Variants in CNTN6 observed in about 807,000 individuals in gnomAD.
CNTN6 encodes contactin-6.
A neutral mutation model predicts 122.8 loss-of-function variants in CNTN6; 137 were observed. The observed-to-expected ratio is 1.12, with a 90% CI of 0.97 to 1.29. The LOEUF is 1.29. Among genes scored for constraint, CNTN6 ranks in the 50% most tolerant of loss-of-function variants. The pLI is 0.00. For missense variants in CNTN6, 1,634 were observed against 1,223.4 expected, an observed-to-expected ratio of 1.34 and a Z score of -5.01; for synonymous variants, 570 against 426.0, an observed-to-expected ratio of 1.34 and a Z score of -4.16.
At chr3:1,253,492 A>G (rs2094703683) in intron 4 of CNTN6, among the ~76,000 whole-genome samples, 1 of 152,194 alleles carries the variant, frequency 6.6e-6, no homozygotes, top group Non-Finnish European at 1.5e-5. Context: ...TGCTAATTAC[A>G]TATAAATTGG....
At chr3:1,376,245 G>A (rs78173145) in intron 16 of CNTN6, among the ~76,000 whole-genome samples, 2 of 152,190 alleles carry the variant, frequency 1.3e-5, no homozygotes, top group South Asian at 4.2e-4. Context: ...TACACACTCA[G>A]CATTTCCTCA....
intron 11 of CNTN6, among the ~76,000 whole-genome samples, chr3:1,338,148 C>T (rs1703345916): frequency 6.6e-6 from 1 of 152,122 alleles, no homozygotes; most frequent in African/African-American, 2.4e-5. Flanking sequence ...TGGTGGCTTT[C>T]AACCAAGGGT....
At chr3:1,258,449 A>G (rs893478305) in intron 4 of CNTN6, among the ~76,000 whole-genome samples, 2 of 152,074 alleles carry the variant, frequency 1.3e-5, no homozygotes, top group Non-Finnish European at 2.9e-5. Flanking sequence ...CACTCAATTT[A>G]TTTCCCTTTC....
intron 4 of CNTN6, among the ~76,000 whole-genome samples, chr3:1,262,592 A>G (rs1400596875): frequency 6.6e-6 from 1 of 152,072 alleles, no homozygotes; most frequent in Non-Finnish European, 1.5e-5. Context: ...CAAACAATGA[A>G]CACACAATAA....
At chr3:1,254,128 T>C (rs897558006) in intron 4 of CNTN6, among the ~76,000 whole-genome samples, 7 of 152,170 alleles carry the variant, frequency 4.6e-5, no homozygotes, top group African/African-American at 1.7e-4. Context: ...TTTGCATTTT[T>C]GCTTCAGATC....
intron 4 of CNTN6, 112 bp from the exon 5 acceptor site, chr3:1,278,301 C>A (rs1044975074): frequency 1.4e-5 from 10 of 692,554 alleles, no homozygotes; most frequent in Non-Finnish European, 2.3e-5. Context: ...TTCTGGTCAG[C>A]AAAGTATGAG....
At chr3:1,371,304 C>T (rs946447009) in intron 12 of CNTN6, among the ~76,000 whole-genome samples, 2 of 151,864 alleles carry the variant, frequency 1.3e-5, no homozygotes, top group African/African-American at 4.8e-5. Context: ...AATAGATTCT[C>T]CATGGGTCAT....
chr3:1,188,763 C>T (rs3772357), intron 2 of CNTN6, among the ~76,000 whole-genome samples: 25,471 of 152,178 alleles, frequency 0.17, 2,526 homozygotes, highest in African/African-American at 0.26. Flanking sequence ...TAGAGAACAG[C>T]AGGTTTCCTC....
chr3:1,216,150 CT>C (rs550009055), intron 2 of CNTN6, among the ~76,000 whole-genome samples: 15,584 of 146,268 alleles, frequency 0.11, 2,386 homozygotes, highest in African/African-American at 0.34. Context: ...CCCCACTTTA[CT>C]TTTTTTTTTT....
At chr3:1,117,253 A>C (rs2091760759) in intron 1 of CNTN6, among the ~76,000 whole-genome samples, 1 of 152,198 alleles carries the variant, frequency 6.6e-6, no homozygotes, top group Non-Finnish European at 1.5e-5. Context: ...TCTCTGACAA[A>C]GATTTGGAGT....
At chr3:1,120,096 A>T (rs1300343290) in intron 1 of CNTN6, among the ~76,000 whole-genome samples, 1 of 151,672 alleles carries the variant, frequency 6.6e-6, no homozygotes, top group Non-Finnish European at 1.5e-5. Context: ...TCCATATGCC[A>T]CAATTTGTTT....
intron 5 of CNTN6, among the ~76,000 whole-genome samples, chr3:1,293,622 C>T (rs1309442588): frequency 6.6e-6 from 1 of 152,150 alleles, no homozygotes; most frequent in Non-Finnish European, 1.5e-5. Flanking sequence ...ACTCAGCTCT[C>T]TGTTTGGACA....
chr3:1,212,252 G>GTTTTTGTT, intron 2 of CNTN6, among the ~76,000 whole-genome samples: 1 of 118,382 alleles, frequency 8.4e-6, no homozygotes, highest in East Asian at 2.5e-4. Flanking sequence ...AATAAAACTT[G>GTTTTTGTT]TTTTTTTTTT....
intron 4 of CNTN6, among the ~76,000 whole-genome samples, chr3:1,246,242 C>A (rs1343416164): frequency 6.6e-6 from 1 of 152,008 alleles, no homozygotes; most frequent in Non-Finnish European, 1.5e-5. Flanking sequence ...CATATCTTGA[C>A]TTGTGAATTT....
Position 1,245,669 on chromosome 3 carries a change from C to T in CNTN6, c.358+17676C>T, listed in dbSNP as rs535234795. On this transcript the variant is annotated intron_variant, in intron 4 of 22. Coordinates refer to ENST00000446702, the MANE Select transcript of CNTN6 (RefSeq NM_001289080.2). ...CATGTAACCAAACACCACCTGTTTC[C>T]CAAAAACCTATTGAAATAAAAAAAG... is the stretch of plus-strand genomic sequence containing the variant. Among the ~76,000 whole-genome samples, 151 of 150,464 alleles carry T rather than the reference C, an allele frequency of 1.0e-3. 2 individuals carry two copies. Among genetic ancestry groups the T allele is most frequent in the African/African-American group, 3.5e-3 (143 of 40,924 alleles).
Position 1,298,009 on chromosome 3 carries a change from GTTT to G in CNTN6, c.761+21_761+23del. ...CTTGGAAAGTAAGGTTTTTGTTTTT[GTTT>G]TTGTTTTCCTGGTTGCATTAATTTT... On this transcript the variant is annotated intron_variant, in intron 7 of 22. Coordinates refer to ENST00000446702, the MANE Select transcript of CNTN6 (RefSeq NM_001289080.2). The G allele has an allele frequency of 6.4e-7, 1 of 1,556,302 alleles. No homozygotes were observed. Among genetic ancestry groups the G allele is most frequent in the African/African-American group, 1.4e-5 (1 of 71,964 alleles).
At chr3:1,240,536 T>C (rs538671146) in intron 4 of CNTN6, among the ~76,000 whole-genome samples, 1 of 152,020 alleles carries the variant, frequency 6.6e-6, no homozygotes, top group East Asian at 1.9e-4. Flanking sequence ...GACATTGGCA[T>C]GGATGTGGTG....
Position 1,373,620 on chromosome 3 carries a change from T to A in CNTN6, c.1803T>A (p.Pro601=), listed in dbSNP as rs1247721926. ...TTTTTCAAGGTCCACCAGGTCCTCC[T>A]GAGGATGTGCAAGTGGAAGACATTT... ...DIIVRGPPGP[P]EDVQVEDISS... Residue 601 remains proline, a synonymous_variant, in exon 15 of 23, where the codon CCT becomes CCA. Transcript: ENST00000446702. The A allele has an allele frequency of 6.2e-7, 1 of 1,612,148 alleles. No individual in the cohort carries two copies. The highest frequency in any genetic ancestry group is 2.2e-5 in the East Asian group (1 of 44,802).
chr3:1,146,285 G>A (rs1380028974), intron 1 of CNTN6, among the ~76,000 whole-genome samples: 4 of 151,968 alleles, frequency 2.6e-5, no homozygotes, highest in African/African-American at 9.7e-5. Flanking sequence ...GTCTCATGCC[G>A]CAGTTCTTCT....
Sources: allele counts gnomAD v4.1 joint callset (sites outside exome capture counted in the v4.1 genomes callset), GRCh38; gene constraint gnomAD v4.1.1; transcripts MANE v1.5; gene names NCBI Gene and HGNC (gene_info 2026-07-23, HGNC 2026-07-21).